EDAR: variants seen among roughly 807,000 people sequenced by gnomAD.
EDAR encodes the protein ectodysplasin A receptor.
A neutral mutation model predicts 51.3 loss-of-function variants in EDAR; 38 were observed. The ratio of observed to expected loss-of-function variants is 0.74; its 90% CI spans 0.57 to 0.97. The LOEUF (loss-of-function observed/expected upper bound fraction) is 0.97, where lower values mean the gene tolerates loss of function less well. Among genes scored for constraint, EDAR ranks in the 50% least tolerant of loss-of-function variants. EDAR has a pLI of 0.00. For missense variants in EDAR, 528 were observed against 595.0 expected (o/e 0.89, Z 1.17); for synonymous variants, 227 against 242.1 (o/e 0.94, Z 0.58).
At chr2:108,940,019 A>T (rs558816044) in intron 1 of EDAR, among the ~76,000 whole-genome samples, 2 of 152,374 alleles carry the variant, frequency 1.3e-5, no homozygotes, top group South Asian at 4.1e-4. Context: ...TCATTGAAAG[A>T]CACGCTACTA....
intron 1 of EDAR, among the ~76,000 whole-genome samples, chr2:108,953,470 T>A (rs1228674115): frequency 6.6e-6 from 1 of 152,060 alleles, no homozygotes; most frequent in Non-Finnish European, 1.5e-5. Context: ...AGTCTACAAA[T>A]TCCCTCTGGC....
At chr2:108,906,417 G>T in intron 10 of EDAR, 49 bp from the exon 11 acceptor site, 3 of 1,601,840 alleles carry the variant, frequency 1.9e-6, no homozygotes, top group Non-Finnish European at 2.6e-6. Flanking sequence ...GGCAACAGTA[G>T]AAAGGAGGCA....
At chr2:108,982,800 G>A (rs260674) in intron 1 of EDAR, among the ~76,000 whole-genome samples, 116,518 of 152,044 alleles carry the variant, frequency 0.77, 46,199 homozygotes, top group South Asian at 0.87. Flanking sequence ...ACGTCTGCCC[G>A]TAAAATGAGA....
At chr2:108,964,831 G>T (rs772509187) in intron 1 of EDAR, among the ~76,000 whole-genome samples, 7 of 152,278 alleles carry the variant, frequency 4.6e-5, no homozygotes, top group Non-Finnish European at 8.8e-5. Flanking sequence ...GAGAGCCACA[G>T]ACCCCAAATG....
At chr2:108,904,059 C>T (rs1463393232) in intron 11 of EDAR, among the ~76,000 whole-genome samples, 3 of 152,082 alleles carry the variant, frequency 2.0e-5, no homozygotes, top group Non-Finnish European at 2.9e-5. Context: ...TATAAAACCA[C>T]ATATCCATCA....
At chr2:108,937,867 T>C (rs1697508352) in intron 1 of EDAR, among the ~76,000 whole-genome samples, 1 of 152,206 alleles carries the variant, frequency 6.6e-6, no homozygotes, top group Non-Finnish European at 1.5e-5. Flanking sequence ...CCCTGAGCCC[T>C]CGGGTGGGGC....
intron 5 of EDAR, among the ~76,000 whole-genome samples, chr2:108,915,853 C>T (rs545784012): frequency 1.2e-4 from 18 of 151,918 alleles, no homozygotes; most frequent in East Asian, 3.9e-4. Flanking sequence ...GTCGAGACCA[C>T]GCCATTGCAC....
intron 1 of EDAR, among the ~76,000 whole-genome samples, chr2:108,960,315 C>T (rs1027890796): frequency 6.6e-6 from 1 of 152,116 alleles, no homozygotes; most frequent in Non-Finnish European, 1.5e-5. Context: ...ATTGTCTGAA[C>T]AAAAAAAGTG....
chr2:108,959,861 C>T (rs930761849), intron 1 of EDAR, among the ~76,000 whole-genome samples: 18 of 152,186 alleles, frequency 1.2e-4, no homozygotes, highest in African/African-American at 4.3e-4. Flanking sequence ...TAAAAATACT[C>T]GCACATACAT....
At chr2:108,978,060 C>T (rs1304780830) in intron 1 of EDAR, among the ~76,000 whole-genome samples, 2 of 152,198 alleles carry the variant, frequency 1.3e-5, no homozygotes, top group Non-Finnish European at 2.9e-5. Context: ...CTTCCTTCTC[C>T]CGACAAATGG....
intron 1 of EDAR, among the ~76,000 whole-genome samples, chr2:108,984,575 G>A (rs1206215176): frequency 6.6e-6 from 1 of 152,082 alleles, no homozygotes; most frequent in Non-Finnish European, 1.5e-5. Flanking sequence ...TTTCTTGCGG[G>A]TGTCCTGGTT....
At chr2:108,960,420 C>A (rs925442848) in intron 1 of EDAR, among the ~76,000 whole-genome samples, 1 of 152,088 alleles carries the variant, frequency 6.6e-6, no homozygotes, top group African/African-American at 2.4e-5. Flanking sequence ...GGTGCTCCCC[C>A]CAAAAACAGG....
intron 1 of EDAR, among the ~76,000 whole-genome samples, chr2:108,936,360 G>A (rs559275468): frequency 6.6e-6 from 1 of 152,356 alleles, no homozygotes; most frequent in South Asian, 2.1e-4. Flanking sequence ...CCGCATCACG[G>A]ACAGGGAGGG....
At chr2:108,978,031 G>A (rs1698356617) in intron 1 of EDAR, among the ~76,000 whole-genome samples, 1 of 152,208 alleles carries the variant, frequency 6.6e-6, no homozygotes, top group Admixed American at 6.5e-5. Flanking sequence ...ACAGAACAGG[G>A]CTGCGGTTCA....
At chr2:108,972,977 ATTTAT>A (rs1172836358) in intron 1 of EDAR, among the ~76,000 whole-genome samples, 3 of 151,974 alleles carry the variant, frequency 2.0e-5, no homozygotes, top group Non-Finnish European at 4.4e-5. Context: ...TTATTTTTTT[ATTTAT>A]TTTAATTGAA....
At chr2:108,925,056 C>T (rs1351105817) in intron 4 of EDAR, among the ~76,000 whole-genome samples, 3 of 152,358 alleles carry the variant, frequency 2.0e-5, no homozygotes, top group Non-Finnish European at 2.9e-5. Flanking sequence ...ACTCTACCTC[C>T]ACGCATTCTC....
At chr2:108,973,794 T>C in intron 1 of EDAR, among the ~76,000 whole-genome samples, 1 of 152,166 alleles carries the variant, frequency 6.6e-6, no homozygotes, top group East Asian at 1.9e-4. Flanking sequence ...TCATCAGAGT[T>C]CTCAAAGGCC....
At chr2:108,969,559 A>G (rs1698203701) in intron 1 of EDAR, among the ~76,000 whole-genome samples, 1 of 152,196 alleles carries the variant, frequency 6.6e-6, no homozygotes, top group Admixed American at 6.5e-5. Context: ...AGGGCTGTAA[A>G]ATGGGGGTCA....
In EDAR at chr2:108,923,353, G is replaced by A; in HGVS notation, c.442+15C>T. 1 of 1,612,882 alleles carries A rather than the reference G, an allele frequency of 6.2e-7. No homozygotes were observed. Among genetic ancestry groups the A allele is most frequent in the Non-Finnish European group, 8.5e-7 (1 of 1,178,782 alleles). On this transcript the variant is annotated intron_variant, in intron 5 of 11. Transcript: ENST00000258443. The stretch of plus-strand genomic sequence containing the variant: ...TGAACAAATACCGTGCTGGTGGAAG[G>A]ACAAAGACACTCACATTCCTTGGTG...
Sources: gnomAD v4.1 joint callset for allele counts (sites outside exome capture counted in the v4.1 genomes callset) on GRCh38, gnomAD v4.1.1 for gene constraint, MANE v1.5 for transcripts, NCBI Gene and HGNC (gene_info 2026-07-23, HGNC 2026-07-21) for gene names.